SCP2: variants seen among roughly 807,000 people sequenced by gnomAD.
SCP2 encodes sterol carrier protein 2.
SCP2 carries 48 observed loss-of-function variants against 71.4 expected under a neutral mutation model. The ratio of observed to expected loss-of-function variants is 0.67; its 90% CI spans 0.53 to 0.86. SCP2 has a LOEUF of 0.86. SCP2 is among the 40% of genes least tolerant of loss of function. SCP2 has a pLI of 0.00. For synonymous variants in SCP2, 220 were observed against 218.1 expected, an observed-to-expected ratio of 1.01 and a Z score of -0.08; for missense variants, 560 against 655.6, an observed-to-expected ratio of 0.85 and a Z score of 1.59.
At chr1:52,957,417 G>C (rs1352919275) in intron 5 of SCP2, among the ~76,000 whole-genome samples, 1 of 152,046 alleles carries the variant, frequency 6.6e-6, no homozygotes, top group African/African-American at 2.4e-5. Flanking sequence ...CATGCCTCCA[G>C]CTACAAAACA....
intron 14 of SCP2, among the ~76,000 whole-genome samples, chr1:53,040,372 G>A (rs1663328281): frequency 6.6e-6 from 1 of 152,100 alleles, no homozygotes; most frequent in South Asian, 2.1e-4. Context: ...GCATGAATGT[G>A]GGATTCTCTT....
At chr1:53,013,989 G>A (rs921984134) in intron 11 of SCP2, among the ~76,000 whole-genome samples, 5 of 138,348 alleles carry the variant, frequency 3.6e-5, no homozygotes, top group African/African-American at 5.3e-5. Context: ...TCTGCCTCCC[G>A]GGTTCACGCC....
chr1:53,033,645 A>G (rs980826620), intron 13 of SCP2, among the ~76,000 whole-genome samples: 9 of 150,848 alleles, frequency 6.0e-5, no homozygotes, highest in African/African-American at 2.2e-4. Context: ...ACCCAGTAGG[A>G]TGACTAAAAT....
At chr1:52,971,445 GTCA>G (rs1238149454) in intron 6 of SCP2, among the ~76,000 whole-genome samples, 1 of 152,192 alleles carries the variant, frequency 6.6e-6, no homozygotes, top group Admixed American at 6.5e-5. Context: ...TAGTGGAAAT[GTCA>G]TTGTAGGGAA....
At chr1:53,036,897 T>A (rs1871749) in intron 13 of SCP2, among the ~76,000 whole-genome samples, 1 of 151,822 alleles carries the variant, frequency 6.6e-6, no homozygotes, top group Non-Finnish European at 1.5e-5. Flanking sequence ...AATCCTAGCA[T>A]TTTGGGAGGC....
intron 13 of SCP2, among the ~76,000 whole-genome samples, chr1:53,029,145 A>T (rs1251741121): frequency 6.6e-6 from 1 of 152,198 alleles, no homozygotes; most frequent in African/African-American, 2.4e-5. Flanking sequence ...AGTTCTTGAT[A>T]GGTAATAATC....
intron 7 of SCP2, among the ~76,000 whole-genome samples, chr1:52,975,951 G>A (rs1657925846): frequency 6.6e-6 from 1 of 152,086 alleles, no homozygotes; most frequent in African/African-American, 2.4e-5. Context: ...CACAAATCCA[G>A]GGGCTCCCAT....
intron 2 of SCP2, among the ~76,000 whole-genome samples, chr1:52,946,051 C>T (rs566053020): frequency 2.0e-5 from 3 of 151,636 alleles, no homozygotes; most frequent in South Asian, 2.1e-4. Context: ...ACCTCAGCCT[C>T]CCAAGTAGCT....
chr1:53,016,251 A>G (rs1245871853), intron 12 of SCP2, among the ~76,000 whole-genome samples: 1 of 151,966 alleles, frequency 6.6e-6, no homozygotes. Context: ...CTCAAATACC[A>G]TCTCTTTTTG....
intron 12 of SCP2, among the ~76,000 whole-genome samples, chr1:53,018,567 C>G (rs929581314): frequency 1.3e-5 from 2 of 151,872 alleles, no homozygotes; most frequent in Middle Eastern, 3.2e-3. Flanking sequence ...CATGGCGAAA[C>G]CCCCTCTCTA....
chr1:53,043,205 TG>T (rs1663556021), intron 14 of SCP2, among the ~76,000 whole-genome samples: 1 of 152,218 alleles, frequency 6.6e-6, no homozygotes, highest in Admixed American at 6.5e-5. Flanking sequence ...GAGAGTCCAA[TG>T]GTCTTATCTA....
chr1:52,972,216 C>T (rs1196632165), intron 6 of SCP2, among the ~76,000 whole-genome samples: 4 of 151,956 alleles, frequency 2.6e-5, no homozygotes, highest in Admixed American at 6.6e-5. Context: ...TAGAACCAGC[C>T]GAGTTTGTGG....
Position 52,974,843 on chromosome 1 carries a change from C to T in SCP2, c.587+11C>T. 1 of 1,316,674 alleles carries T rather than the reference C, an allele frequency of 7.6e-7. No individual in the cohort carries two copies. The highest frequency in any genetic ancestry group is 1.4e-5 in the African/African-American group (1 of 69,232). The allele number at this position is 1,316,674 out of a possible 1,614,324, so 81.6% of individuals were successfully genotyped here. ...TTCAGTTAATAACCCGTAAGTATTT[C>T]AGAGACATGAAATAATGAAAATCTG... On this transcript the variant is annotated intron_variant, in intron 7 of 15. Transcript: ENST00000371514.
chr1:52,954,631 C>A, intron 4 of SCP2, 109 bp from the exon 5 acceptor site: 1 of 913,812 alleles, frequency 1.1e-6, no homozygotes, highest in Non-Finnish European at 1.8e-6. Context: ...ACTATAAGTT[C>A]GAGCCATTGT....
At chr1:53,011,013 T>C (rs1660957067) in intron 11 of SCP2, among the ~76,000 whole-genome samples, 1 of 152,198 alleles carries the variant, frequency 6.6e-6, no homozygotes, top group East Asian at 1.9e-4. Flanking sequence ...TCTCTTCACA[T>C]GGACGTGCGT....
At chr1:53,010,842 C>T (rs1007317805) in intron 11 of SCP2, among the ~76,000 whole-genome samples, 2 of 152,014 alleles carry the variant, frequency 1.3e-5, no homozygotes, top group African/African-American at 4.8e-5. Flanking sequence ...AGATTCACCC[C>T]CTGCCCACAA....
intron 4 of SCP2, among the ~76,000 whole-genome samples, chr1:52,951,750 T>C (rs1014329747): frequency 3.3e-5 from 5 of 151,634 alleles, no homozygotes; most frequent in Admixed American, 3.3e-4. Context: ...GGAGTCTTGC[T>C]CTGTTGCCCA....
At chr1:53,019,633 G>T (rs1214513890) in intron 12 of SCP2, among the ~76,000 whole-genome samples, 1 of 152,182 alleles carries the variant, frequency 6.6e-6, no homozygotes. Flanking sequence ...ACAAATGGCT[G>T]TTAGCTGTGT....
At chr1:52,931,356 C>T (rs1401493895) in intron 1 of SCP2, among the ~76,000 whole-genome samples, 1 of 152,164 alleles carries the variant, frequency 6.6e-6, no homozygotes, top group Non-Finnish European at 1.5e-5. Context: ...AAAGACTATT[C>T]TAAGGAACAG....
Sources: gnomAD v4.1 joint callset for allele counts (sites outside exome capture counted in the v4.1 genomes callset) on GRCh38, gnomAD v4.1.1 for gene constraint, MANE v1.5 for transcripts, NCBI Gene and HGNC (gene_info 2026-07-23, HGNC 2026-07-21) for gene names.